SPATA13: variants seen among roughly 807,000 people sequenced by gnomAD.
SPATA13 encodes the protein spermatogenesis-associated protein 13.
In SPATA13, 50 loss-of-function variants were observed where a neutral mutation model predicts 104.0. The ratio of observed to expected loss-of-function variants is 0.48; its 90% CI spans 0.38 to 0.61. The LOEUF (loss-of-function observed/expected upper bound fraction) is 0.61, where lower values mean the gene tolerates loss of function less well. SPATA13 is among the 20% of genes least tolerant of loss of function. The pLI, the probability that SPATA13 is intolerant of heterozygous loss-of-function variation, is 0.00. For missense variants in SPATA13, 1,524 were observed against 1,690.6 expected (o/e 0.90, Z 1.73); for synonymous variants, 606 against 667.5 (o/e 0.91, Z 1.42).
At chr13:24,016,742 A>G (rs1393634085) in intron 2 of SPATA13, among the ~76,000 whole-genome samples, 1 of 152,234 alleles carries the variant, frequency 6.6e-6, no homozygotes, top group African/African-American at 2.4e-5. Context: ...AAGCCCCTGG[A>G]AGGCACTCTG....
intron 3 of SPATA13, among the ~76,000 whole-genome samples, chr13:24,139,100 C>T (rs566122872): frequency 5.9e-5 from 9 of 152,300 alleles, no homozygotes; most frequent in South Asian, 4.1e-4. Context: ...CATCCTTCCT[C>T]GCCTCTTCCA....
chr13:24,136,501 AAGTGAGAGAGAGGGAGAG>A (rs1881573647), intron 3 of SPATA13, among the ~76,000 whole-genome samples: 1 of 138,144 alleles, frequency 7.2e-6, no homozygotes, highest in South Asian at 2.4e-4. Context: ...GAAAGAAAGA[AAGTGAGAGAGAGGGAGAG>A]AGAAAAAGAG....
At chr13:24,270,096 A>G (rs1280955118) in intron 4 of SPATA13, among the ~76,000 whole-genome samples, 1 of 152,112 alleles carries the variant, frequency 6.6e-6, no homozygotes, top group African/African-American at 2.4e-5. Context: ...TCATAAAGTT[A>G]AAAAGGCCGT....
At chr13:24,077,410 G>A (rs530170562) in intron 3 of SPATA13, among the ~76,000 whole-genome samples, 21 of 152,108 alleles carry the variant, frequency 1.4e-4, no homozygotes, top group South Asian at 4.1e-4. Flanking sequence ...ATACTGGAAC[G>A]AAAGAACAGA....
chr13:24,302,558 C>A (rs1335480594), intron 12 of SPATA13, 40 bp from the exon 13 acceptor site: 8 of 1,443,956 alleles, frequency 5.5e-6, no homozygotes, highest in Non-Finnish European at 9.2e-7. Context: ...TAACAAGCGA[C>A]CCTCAGTCCC....
chr13:24,187,063 A>G (rs1344968565), intron 1 of SPATA13, among the ~76,000 whole-genome samples: 1 of 152,164 alleles, frequency 6.6e-6, no homozygotes, highest in African/African-American at 2.4e-5. Context: ...ACCAGGTTGC[A>G]TGTTATGACA....
chr13:24,291,914 G>A (rs112881206), intron 9 of SPATA13, among the ~76,000 whole-genome samples: 6 of 150,122 alleles, frequency 4.0e-5, no homozygotes, highest in South Asian at 2.1e-4. Context: ...CCGCCACCGC[G>A]CCCGGCTAAT....
intron 2 of SPATA13, among the ~76,000 whole-genome samples, chr13:24,234,499 C>T (rs777171341): frequency 3.3e-5 from 5 of 152,162 alleles, no homozygotes; most frequent in Non-Finnish European, 5.9e-5. Flanking sequence ...GCTTTCAACC[C>T]GGCTTGGTGA....
chr13:24,089,078 T>C lies in SPATA13; in HGVS notation c.-112+71377T>C, dbSNP rs9580859. On this transcript the variant is annotated intron_variant, in intron 3 of 14. Transcript: ENST00000424834. ...AAGACAACTCAATTGGCAGTTTTCATAGATGAGGACACCAGTGTGTCAGGG... is the reference window on the plus strand; with the variant it reads ...AAGACAACTCAATTGGCAGTTTTCACAGATGAGGACACCAGTGTGTCAGGG... Among the ~76,000 whole-genome samples, 506 of 152,348 alleles carry C rather than the reference T, an allele frequency of 3.3e-3. 4 individuals carry two copies. Among genetic ancestry groups the C allele is most frequent in the African/African-American group, 0.012 (482 of 41,580 alleles).
chr13:24,253,531 A>G (rs1046496829), intron 4 of SPATA13, among the ~76,000 whole-genome samples: 3 of 152,232 alleles, frequency 2.0e-5, no homozygotes, highest in African/African-American at 7.2e-5. Flanking sequence ...GGAAGGAAAT[A>G]GAGAATTTGG....
upstream of SPATA13, among the ~76,000 whole-genome samples, chr13:24,158,159 A>T (rs1226365475): frequency 6.6e-6 from 1 of 152,198 alleles, no homozygotes; most frequent in Non-Finnish European, 1.5e-5. Context: ...ACTTGGGTGA[A>T]AGTTTTGAAT....
intron 3 of SPATA13, among the ~76,000 whole-genome samples, chr13:24,078,536 T>C (rs1879405852): frequency 6.6e-6 from 1 of 152,160 alleles, no homozygotes; most frequent in Non-Finnish European, 1.5e-5. Flanking sequence ...TGACTTTAAG[T>C]ATGCTCACTT....
At chr13:24,188,662 C>T (rs552642134) in intron 1 of SPATA13, among the ~76,000 whole-genome samples, 5 of 152,320 alleles carry the variant, frequency 3.3e-5, no homozygotes, top group Admixed American at 2.6e-4. Flanking sequence ...GCAAGTTCTT[C>T]AGAAGATCTA....
At chr13:24,211,730 T>C (rs1353674245) in intron 1 of SPATA13, among the ~76,000 whole-genome samples, 5 of 152,054 alleles carry the variant, frequency 3.3e-5, no homozygotes, top group African/African-American at 1.2e-4. Context: ...CCGGTGGCAC[T>C]GACGATGATG....
At chr13:24,302,453 C>A in intron 12 of SPATA13, 145 bp from the exon 13 acceptor site, 1 of 549,950 alleles carries the variant, frequency 1.8e-6, no homozygotes, top group Non-Finnish European at 2.9e-6. Flanking sequence ...CAGTAAGACC[C>A]TGTCTCAAAA....
At chr13:24,160,015 A>C (rs1192837306), upstream of SPATA13, among the ~76,000 whole-genome samples, 1 of 152,184 alleles carries the variant, frequency 6.6e-6, no homozygotes, top group Non-Finnish European at 1.5e-5. Flanking sequence ...CTTGAGCCTC[A>C]CAAGAAAGGT....
intron 3 of SPATA13, among the ~76,000 whole-genome samples, chr13:24,049,718 GTT>G (rs1878271733): frequency 6.6e-6 from 1 of 152,130 alleles, no homozygotes; most frequent in Non-Finnish European, 1.5e-5. Context: ...TGGATGATCT[GTT>G]TGTCAGCAAG....
intron 1 of SPATA13, among the ~76,000 whole-genome samples, chr13:24,218,524 T>A (rs955985968): frequency 6.6e-6 from 1 of 152,112 alleles, no homozygotes; most frequent in African/African-American, 2.4e-5. Flanking sequence ...TGTGCAGCTG[T>A]GATTTAAGGG....
At chr13:24,226,027 T>C (rs1170139942) in intron 2 of SPATA13, among the ~76,000 whole-genome samples, 1 of 152,166 alleles carries the variant, frequency 6.6e-6, no homozygotes, top group African/African-American at 2.4e-5. Flanking sequence ...GTGTTGCTCC[T>C]CTCTGCAGGC....
Sources: gnomAD v4.1 joint callset for allele counts (sites outside exome capture counted in the v4.1 genomes callset) on GRCh38, gnomAD v4.1.1 for gene constraint, MANE v1.5 for transcripts, NCBI Gene and HGNC (gene_info 2026-07-23, HGNC 2026-07-21) for gene names.